TENM4: variants seen among roughly 807,000 people sequenced by gnomAD.
TENM4 encodes teneurin-4.
In TENM4, 82 loss-of-function variants were observed where a neutral mutation model predicts 243.3. The ratio of observed to expected loss-of-function variants is 0.34; its 90% CI spans 0.28 to 0.40. TENM4 has a LOEUF of 0.40. Among genes scored for constraint, TENM4 ranks in the 10% least tolerant of loss-of-function variants. The pLI, the probability that TENM4 is intolerant of heterozygous loss-of-function variation, is 1.00. For missense variants in TENM4, 3,138 were observed against 3,673.3 expected, an observed-to-expected ratio of 0.85 and a Z score of 3.77; for synonymous variants, 1,412 against 1,456.3, an observed-to-expected ratio of 0.97 and a Z score of 0.69.
intron 15 of TENM4, among the ~76,000 whole-genome samples, chr11:78,802,697 C>T (rs1406925272): frequency 6.6e-6 from 1 of 152,246 alleles, no homozygotes; most frequent in Non-Finnish European, 1.5e-5. Flanking sequence ...ATCCCAACCT[C>T]ACAGGGCTGC....
chr11:79,139,691 AAT>A (rs1276835378), intron 4 of TENM4, among the ~76,000 whole-genome samples: 1 of 68,944 alleles, frequency 1.5e-5, no homozygotes, highest in Non-Finnish European at 2.5e-5. Flanking sequence ...AAGTATATAA[AAT>A]ATATATAATA....
At chr11:79,355,073 C>G (rs1428564038) in intron 1 of TENM4, among the ~76,000 whole-genome samples, 1 of 152,164 alleles carries the variant, frequency 6.6e-6, no homozygotes. Context: ...AAAGCCAAAC[C>G]TTTTTAACTT....
At chr11:79,175,320 T>C (rs527579189) in intron 3 of TENM4, among the ~76,000 whole-genome samples, 13 of 152,180 alleles carry the variant, frequency 8.5e-5, no homozygotes, top group Non-Finnish European at 1.6e-4. Context: ...TAATGACTGG[T>C]ATGGGCACTC....
intron 3 of TENM4, among the ~76,000 whole-genome samples, chr11:79,173,445 G>A (rs1358939464): frequency 6.6e-6 from 1 of 152,062 alleles, no homozygotes; most frequent in Non-Finnish European, 1.5e-5. Flanking sequence ...CCAGGAGCTG[G>A]CTTATCCTCT....
At chr11:78,799,371 T>G (rs1591032070) in intron 15 of TENM4, among the ~76,000 whole-genome samples, 1 of 152,252 alleles carries the variant, frequency 6.6e-6, no homozygotes, top group South Asian at 2.1e-4. Context: ...GTGAGTTGTT[T>G]ACGGTTACAC....
At chr11:78,825,140 G>C (rs775047935) in intron 12 of TENM4, among the ~76,000 whole-genome samples, 4 of 152,294 alleles carry the variant, frequency 2.6e-5, no homozygotes, top group East Asian at 3.9e-4. Flanking sequence ...CCTTATTCTC[G>C]AGGAGCACTG....
At chr11:78,808,010 A>G (rs899151838) in intron 14 of TENM4, among the ~76,000 whole-genome samples, 3 of 152,224 alleles carry the variant, frequency 2.0e-5, no homozygotes, top group Non-Finnish European at 4.4e-5. Context: ...TTCCTATCCT[A>G]TCAGGACATT....
chr11:78,924,902 G>A (rs573463123), intron 6 of TENM4, among the ~76,000 whole-genome samples: 7 of 152,256 alleles, frequency 4.6e-5, no homozygotes, highest in Admixed American at 2.0e-4. Context: ...TTGCCCTCTC[G>A]GAAATCTGGA....
At chr11:79,386,658 C>A (rs946565309) in intron 1 of TENM4, among the ~76,000 whole-genome samples, 7 of 151,988 alleles carry the variant, frequency 4.6e-5, no homozygotes, top group Non-Finnish European at 1.0e-4. Flanking sequence ...TGCCCTATTT[C>A]AGTAGATACT....
At chr11:78,735,833 C>T (rs1404985984) in intron 20 of TENM4, among the ~76,000 whole-genome samples, 3 of 116,572 alleles carry the variant, frequency 2.6e-5, no homozygotes, top group Non-Finnish European at 6.3e-5. Flanking sequence ...CTTGTCTTGG[C>T]TCCCACCCCT....
intron 18 of TENM4, among the ~76,000 whole-genome samples, chr11:78,764,618 C>T (rs1456821789): frequency 6.6e-6 from 1 of 152,220 alleles, no homozygotes; most frequent in Non-Finnish European, 1.5e-5. Context: ...AAGCCATTCC[C>T]TACAGGAGGA....
chr11:78,936,021 A>T (rs991020802), intron 6 of TENM4, among the ~76,000 whole-genome samples: 3 of 152,210 alleles, frequency 2.0e-5, no homozygotes, highest in Non-Finnish European at 4.4e-5. Flanking sequence ...TTAATGTAAC[A>T]GTTCATTCCC....
chr11:79,314,055 G>C (rs1224256813), intron 1 of TENM4, among the ~76,000 whole-genome samples: 1 of 152,178 alleles, frequency 6.6e-6, no homozygotes, highest in African/African-American at 2.4e-5. Context: ...TGCAAGTACA[G>C]AATGTGCAGA....
intron 6 of TENM4, among the ~76,000 whole-genome samples, chr11:78,985,326 A>T (rs1388621952): frequency 2.0e-5 from 3 of 152,132 alleles, no homozygotes; most frequent in African/African-American, 7.2e-5. Context: ...GGCCAAAAAA[A>T]TTAATATTTA....
chr11:78,741,359 T>C (rs936898632), intron 19 of TENM4, among the ~76,000 whole-genome samples: 2 of 151,970 alleles, frequency 1.3e-5, no homozygotes, highest in Non-Finnish European at 1.5e-5. Context: ...CAGCGTTTGC[T>C]CATTTCTGTG....
intron 1 of TENM4, among the ~76,000 whole-genome samples, chr11:79,317,903 G>T (rs751394394): frequency 2.6e-5 from 4 of 152,138 alleles, no homozygotes; most frequent in Non-Finnish European, 4.4e-5. Context: ...TGTCCTGTGT[G>T]GGTGGATGGT....
intron 3 of TENM4, among the ~76,000 whole-genome samples, chr11:79,179,175 C>T (rs1863232769): frequency 1.3e-5 from 2 of 152,222 alleles, no homozygotes; most frequent in South Asian, 4.1e-4. Flanking sequence ...CACTTCTCCT[C>T]CTTGCCAACT....
At chr11:79,387,704 AT>A (rs1245983497) in intron 1 of TENM4, among the ~76,000 whole-genome samples, 1 of 152,196 alleles carries the variant, frequency 6.6e-6, no homozygotes, top group Non-Finnish European at 1.5e-5. Flanking sequence ...CCTTATGAAC[AT>A]TAGAAAATAA....
intron 6 of TENM4, among the ~76,000 whole-genome samples, chr11:79,046,377 G>A (rs1859658144): frequency 6.6e-6 from 1 of 151,892 alleles, no homozygotes; most frequent in Non-Finnish European, 1.5e-5. Context: ...GGGGTGGGGA[G>A]TTAAAAGAGC....
Sources: allele counts gnomAD v4.1 joint callset (sites outside exome capture counted in the v4.1 genomes callset), GRCh38; gene constraint gnomAD v4.1.1; transcripts MANE v1.5; gene names NCBI Gene and HGNC (gene_info 2026-07-23, HGNC 2026-07-21).